Variants in ADAMTS12 observed in about 807,000 individuals in gnomAD.
ADAMTS12 encodes ADAM metallopeptidase with thrombospondin type 1 motif 12, also known as A disintegrin and metalloproteinase with thrombospondin motifs 12.
ADAMTS12 carries 118 observed loss-of-function variants against 167.8 expected under a neutral mutation model. The observed-to-expected ratio is 0.70, with a 90% CI of 0.61 to 0.82. ADAMTS12 has a LOEUF of 0.82. Among genes scored for constraint, ADAMTS12 ranks in the 40% least tolerant of loss-of-function variants. ADAMTS12 has a pLI of 0.00. For synonymous variants in ADAMTS12, 704 were observed against 716.9 expected (o/e 0.98, Z 0.29); for missense variants, 1,916 against 1,998.8 (o/e 0.96, Z 0.79).
intron 13 of ADAMTS12, among the ~76,000 whole-genome samples, chr5:33,627,630 C>T (rs1739725851): frequency 6.6e-6 from 1 of 151,990 alleles, no homozygotes. Context: ...TAGCATCATT[C>T]CAAAAAGAAG....
At chr5:33,717,211 C>T (rs981784992) in intron 3 of ADAMTS12, among the ~76,000 whole-genome samples, 10 of 151,850 alleles carry the variant, frequency 6.6e-5, no homozygotes, top group South Asian at 4.2e-4. Context: ...AGCATCGTGA[C>T]GGATTTGCAT....
intron 2 of ADAMTS12, among the ~76,000 whole-genome samples, chr5:33,756,466 G>A (rs1167537926): frequency 1.3e-5 from 2 of 152,174 alleles, no homozygotes; most frequent in African/African-American, 4.8e-5. Flanking sequence ...TCTTGTTGCT[G>A]GTTTGCAAGA....
At chr5:33,570,656 A>C (rs1426781457) in intron 19 of ADAMTS12, among the ~76,000 whole-genome samples, 1 of 152,242 alleles carries the variant, frequency 6.6e-6, no homozygotes, top group Non-Finnish European at 1.5e-5. Context: ...CAAAATGTAA[A>C]GACCATCGAG....
intron 3 of ADAMTS12, among the ~76,000 whole-genome samples, chr5:33,684,670 A>G (rs1327917954): frequency 6.6e-6 from 1 of 152,178 alleles, no homozygotes; most frequent in African/African-American, 2.4e-5. Context: ...CAGGCATTCC[A>G]CTTGAAGAAG....
At chr5:33,579,417 A>G (rs1207086042) in intron 18 of ADAMTS12, among the ~76,000 whole-genome samples, 1 of 152,192 alleles carries the variant, frequency 6.6e-6, no homozygotes, top group Non-Finnish European at 1.5e-5. Flanking sequence ...ATTAGACTAG[A>G]TAGTAACATA....
intron 3 of ADAMTS12, among the ~76,000 whole-genome samples, chr5:33,720,246 G>A (rs996226161): frequency 6.7e-6 from 1 of 148,288 alleles, no homozygotes; most frequent in Admixed American, 6.8e-5. Context: ...TGAATAAAAT[G>A]TTAATAGTTT....
rs891529913 is a variant in ADAMTS12, at chr5:33,799,141, C to T, written c.490-47593G>A. Among the ~76,000 whole-genome samples, 9 of 152,256 alleles carry T rather than the reference C, an allele frequency of 5.9e-5. No homozygotes were observed. The South Asian group carries it at 8.3e-4, about 14-fold the overall frequency. ...AGTGCCGTGCACTTAAAGATGAGAA[C>T]GACCAGTGTGGGCATGTGTGCTCCA... On this transcript the variant is annotated intron_variant, in intron 2 of 23. Transcript: ENST00000504830.
chr5:33,730,289 GGTGTGTGTGTGT>G (rs762232547), intron 3 of ADAMTS12, among the ~76,000 whole-genome samples: 44 of 144,152 alleles, frequency 3.1e-4, no homozygotes, highest in African/African-American at 9.0e-4. Flanking sequence ...AGTCCATTAG[GGTGTGTGTGTGT>G]GTGTGTGTGT....
In ADAMTS12 at chr5:33,527,078, C is replaced by T; in HGVS notation, c.*110G>A. ...GATTTTGTTTCATCATGACCCAAAGCTGAATCTGAAATATATGAAGCAAAA... is the reference window on the plus strand; with the variant it reads ...GATTTTGTTTCATCATGACCCAAAGTTGAATCTGAAATATATGAAGCAAAA... On this transcript the variant is annotated 3_prime_UTR_variant, in exon 24 of 24. Coordinates refer to ENST00000504830, the MANE Select transcript of ADAMTS12 (RefSeq NM_030955.4). 1 of 1,389,682 alleles carries T rather than the reference C, an allele frequency of 7.2e-7. No homozygotes were observed. Among genetic ancestry groups the T allele is most frequent in the South Asian group, 1.3e-5 (1 of 74,118 alleles). 86.1% of individuals were successfully genotyped at this position (1,389,682 alleles called of 1,614,324 possible).
chr5:33,878,666 A>T (rs1489861624), intron 2 of ADAMTS12, among the ~76,000 whole-genome samples: 2 of 152,228 alleles, frequency 1.3e-5, no homozygotes, highest in African/African-American at 4.8e-5. Flanking sequence ...CTTTAGAGTA[A>T]CACTGGCCAA....
At position 33,751,511 on chromosome 5, in the gene ADAMTS12, A is replaced by G. The variant is rs554259027; in HGVS notation, c.527T>C (p.Ile176Thr). The G allele has an allele frequency of 2.5e-6, 4 of 1,614,138 alleles. No individual in the cohort carries two copies. The highest frequency in any genetic ancestry group is 4.5e-5 in the East Asian group (2 of 44,870). Residue 176 changes from isoleucine to threonine, a missense_variant, in exon 3 of 24, where the codon ATT (isoleucine) becomes ACT (threonine). Transcript: ENST00000504830. ...FFQLPHGDFF[I>T]EPVKKHPLVE... ...CAGTGGATGCTTCTTCACGGGTTCA[A>G]TGAAAAAGTCTCCATGTGGTAGTTG...
intron 3 of ADAMTS12, among the ~76,000 whole-genome samples, chr5:33,696,239 G>A (rs932687567): frequency 2.6e-5 from 4 of 151,692 alleles, no homozygotes; most frequent in African/African-American, 9.7e-5. Context: ...GGCTAACACG[G>A]TGAAACCCCG....
intron 2 of ADAMTS12, among the ~76,000 whole-genome samples, chr5:33,765,796 T>G (rs1475296951): frequency 6.6e-6 from 1 of 152,198 alleles, no homozygotes. Context: ...AAAAAAAAAG[T>G]TATTTAAAAA....
At chr5:33,706,157 C>T (rs1276394605) in intron 3 of ADAMTS12, among the ~76,000 whole-genome samples, 1 of 151,956 alleles carries the variant, frequency 6.6e-6, no homozygotes, top group African/African-American at 2.4e-5. Flanking sequence ...TTTTTGCATG[C>T]TGTTTGTTTG....
chr5:33,531,051 G>A (rs968704968), intron 23 of ADAMTS12, among the ~76,000 whole-genome samples: 4 of 152,198 alleles, frequency 2.6e-5, no homozygotes, highest in African/African-American at 9.7e-5. Context: ...GACACAGAGA[G>A]AGACACACAT....
At chr5:33,594,619 C>T (rs946332775) in intron 17 of ADAMTS12, among the ~76,000 whole-genome samples, 2 of 152,138 alleles carry the variant, frequency 1.3e-5, no homozygotes, top group East Asian at 1.9e-4. Flanking sequence ...CCTTATCTTC[C>T]CTTGTCATTT....
chr5:33,858,965 G>C (rs1383852562), intron 2 of ADAMTS12, among the ~76,000 whole-genome samples: 1 of 152,108 alleles, frequency 6.6e-6, no homozygotes, highest in Non-Finnish European at 1.5e-5. Context: ...CTTGAGGAAC[G>C]GTGCACTCCA....
intron 16 of ADAMTS12, among the ~76,000 whole-genome samples, chr5:33,596,518 C>T (rs920979712): frequency 1.3e-5 from 2 of 152,164 alleles, no homozygotes; most frequent in Non-Finnish European, 2.9e-5. Flanking sequence ...CCCATCTCTA[C>T]TAAAAATACA....
chr5:33,811,652 G>A (rs1423555523), intron 2 of ADAMTS12, among the ~76,000 whole-genome samples: 1 of 152,224 alleles, frequency 6.6e-6, no homozygotes, highest in Non-Finnish European at 1.5e-5. Flanking sequence ...ATACGTTGCA[G>A]TAAGGGCTTT....
Sources: gnomAD v4.1 joint callset for allele counts (sites outside exome capture counted in the v4.1 genomes callset) on GRCh38, gnomAD v4.1.1 for gene constraint, MANE v1.5 for transcripts, NCBI Gene and HGNC (gene_info 2026-07-23, HGNC 2026-07-21) for gene names.